AK5: variants seen among roughly 807,000 people sequenced by gnomAD.
The protein encoded by AK5 is adenylate kinase 5.
A neutral mutation model predicts 69.5 loss-of-function variants in AK5; 27 were observed. That is an observed-to-expected ratio of 0.39 (90% CI 0.29 to 0.54). AK5 has a LOEUF of 0.54. Among genes scored for constraint, AK5 ranks in the 20% least tolerant of loss-of-function variants. The pLI, the probability that AK5 is intolerant of heterozygous loss-of-function variation, is 0.71. For missense variants in AK5, 531 were observed against 700.4 expected, an observed-to-expected ratio of 0.76 and a Z score of 2.73; for synonymous variants, 260 against 244.4, an observed-to-expected ratio of 1.06 and a Z score of -0.60.
At chr1:77,352,791 G>C (rs1557520232) in intron 6 of AK5, among the ~76,000 whole-genome samples, 1 of 152,188 alleles carries the variant, frequency 6.6e-6, no homozygotes, top group African/African-American at 2.4e-5. Flanking sequence ...CATTTGATTG[G>C]TTACTGTTAT....
intron 10 of AK5, among the ~76,000 whole-genome samples, chr1:77,495,500 A>G (rs1376597205): frequency 2.0e-5 from 3 of 152,222 alleles, no homozygotes; most frequent in Non-Finnish European, 4.4e-5. Flanking sequence ...CAAGTATGTA[A>G]AATTCCATTT....
intron 13 of AK5, among the ~76,000 whole-genome samples, chr1:77,556,387 A>G (rs1384149625): frequency 6.6e-6 from 1 of 152,224 alleles, no homozygotes; most frequent in Non-Finnish European, 1.5e-5. Context: ...ATATAAACTG[A>G]ACCATACTGT....
intron 8 of AK5, among the ~76,000 whole-genome samples, chr1:77,455,162 C>A (rs1653397166): frequency 1.3e-5 from 2 of 151,580 alleles, no homozygotes; most frequent in African/African-American, 4.9e-5. Flanking sequence ...CCAAAAACAT[C>A]TAGTATATCG....
At chr1:77,419,487 A>G (rs1650662259) in intron 8 of AK5, among the ~76,000 whole-genome samples, 2 of 152,218 alleles carry the variant, frequency 1.3e-5, no homozygotes, top group South Asian at 4.1e-4. Flanking sequence ...CATGAAACAA[A>G]TACATGAACA....
At chr1:77,336,928 G>A (rs1018644664) in intron 5 of AK5, among the ~76,000 whole-genome samples, 3 of 151,990 alleles carry the variant, frequency 2.0e-5, no homozygotes, top group African/African-American at 7.2e-5. Context: ...CACTGAACTA[G>A]TCATATGGCA....
chr1:77,361,292 A>G (rs563600639), intron 6 of AK5, among the ~76,000 whole-genome samples: 2 of 152,206 alleles, frequency 1.3e-5, no homozygotes, highest in Non-Finnish European at 2.9e-5. Flanking sequence ...TATTAAGGGA[A>G]GGAGCTCTAA....
rs1553140307 is a variant in AK5, at chr1:77,368,241, A to ATGT, written c.891+27674_891+27675insGTT. On this transcript the variant is annotated intron_variant, in intron 6 of 13. Coordinates refer to ENST00000354567, the MANE Select transcript of AK5 (RefSeq NM_174858.3). ...TATATATATATATATATATATATATATATATATATATAATATATATGTTAT... is the reference window on the plus strand; with the variant it reads ...TATATATATATATATATATATATATATGTTATATATATATAATATATATGTTAT... 0.037 allele frequency among the ~76,000 whole-genome samples: 854 copies of ATGT among 23,260 alleles called. 93 individuals are homozygous for ATGT. In the East Asian group the frequency reaches 0.42, roughly 11 times the overall value. The allele number at this position is 23,260 out of a possible 152,430, so 15.3% of individuals were successfully genotyped here.
rs367685438 is a variant in AK5 at position 77,385,221 on chromosome 1, A to T, written c.892-25760A>T. On this transcript the variant is annotated intron_variant, in intron 6 of 13. Coordinates refer to ENST00000354567, the MANE Select transcript of AK5 (RefSeq NM_174858.3). ...GTCGCCCAGGCTGGAGTGCAGTGGC[A>T]CAATCTCGGCTCACTGCAAGCTCCG... 2.0e-5 allele frequency among the ~76,000 whole-genome samples: 3 copies of T among 152,010 alleles called. 1 individual carries two copies. The highest frequency in any genetic ancestry group is 4.4e-5 in the Non-Finnish European group (3 of 67,996).
chr1:77,448,025 A>G (rs1347793683), intron 8 of AK5, among the ~76,000 whole-genome samples: 1 of 152,212 alleles, frequency 6.6e-6, no homozygotes, highest in Non-Finnish European at 1.5e-5. Context: ...ACCGACGAGC[A>G]TGGAAGGGAG....
At chr1:77,460,805 C>A (rs1454260001) in intron 8 of AK5, among the ~76,000 whole-genome samples, 1 of 151,602 alleles carries the variant, frequency 6.6e-6, no homozygotes, top group Admixed American at 6.6e-5. Context: ...CTCACTGCAA[C>A]CTCTGCCTCC....
At chr1:77,401,723 A>AT (rs1649228136) in intron 6 of AK5, among the ~76,000 whole-genome samples, 1 of 152,226 alleles carries the variant, frequency 6.6e-6, no homozygotes, top group African/African-American at 2.4e-5. Context: ...CATTTCCGCC[A>AT]TTAAAAATGC....
At chr1:77,430,650 A>G (rs1309395363) in intron 8 of AK5, among the ~76,000 whole-genome samples, 1 of 152,224 alleles carries the variant, frequency 6.6e-6, no homozygotes, top group Non-Finnish European at 1.5e-5. Context: ...GAGGAAATTT[A>G]AAGTCTTAGT....
chr1:77,385,494 T>C lies in AK5; in HGVS notation c.892-25487T>C, dbSNP rs12139240. ...AAGTTTTTAAGTGTGTGTTTCTGTT[T>C]CTGTCTTCTCCCTCTTCTCTGCACC... On this transcript the variant is annotated intron_variant, in intron 6 of 13. Transcript: ENST00000354567. 8.8e-4 allele frequency among the ~76,000 whole-genome samples: 134 copies of C among 152,320 alleles called. 1 individual carries two copies. The highest frequency in any genetic ancestry group is 1.7e-3 in the Non-Finnish European group (113 of 68,012).
chr1:77,537,912 C>T (rs1170036790), intron 13 of AK5, among the ~76,000 whole-genome samples: 1 of 152,146 alleles, frequency 6.6e-6, no homozygotes, highest in East Asian at 1.9e-4. Context: ...CAGGTGTGGC[C>T]TGAGAATGTT....
At chr1:77,362,394 G>A (rs1186563437) in intron 6 of AK5, among the ~76,000 whole-genome samples, 2 of 152,010 alleles carry the variant, frequency 1.3e-5, no homozygotes, top group Non-Finnish European at 2.9e-5. Context: ...GCCATTATCT[G>A]TCCAAGCATA....
At chr1:77,315,043 G>A (rs1380160947) in intron 5 of AK5, 1 of 152,036 alleles carries the variant, frequency 6.6e-6, no homozygotes, top group African/African-American at 2.4e-5. Flanking sequence ...GCATAATAGA[G>A]TATAAATACA....
intron 6 of AK5, among the ~76,000 whole-genome samples, chr1:77,365,522 A>G (rs1012646014): frequency 6.6e-6 from 1 of 152,200 alleles, no homozygotes; most frequent in Non-Finnish European, 1.5e-5. Flanking sequence ...AGTTTTGTGG[A>G]AAACAATTTT....
intron 8 of AK5, among the ~76,000 whole-genome samples, chr1:77,475,358 T>A (rs1276010060): frequency 6.5e-5 from 6 of 91,760 alleles, no homozygotes; most frequent in Non-Finnish European, 9.3e-5. Context: ...ACATATATAT[T>A]ATATATATAC....
chr1:77,448,213 GC>G (rs1190718291), intron 8 of AK5, among the ~76,000 whole-genome samples: 4 of 152,160 alleles, frequency 2.6e-5, no homozygotes, highest in Non-Finnish European at 5.9e-5. Context: ...AAGCATGGGG[GC>G]CAGGCTGCCA....
Sources: allele counts gnomAD v4.1 joint callset (sites outside exome capture counted in the v4.1 genomes callset), GRCh38; gene constraint gnomAD v4.1.1; transcripts MANE v1.5; gene names NCBI Gene and HGNC (gene_info 2026-07-23, HGNC 2026-07-21).